FAM228B: variants seen among roughly 807,000 people sequenced by gnomAD.
FAM228B encodes protein FAM228B.
In FAM228B, 38 loss-of-function variants were observed where a neutral mutation model predicts 42.6. That is an observed-to-expected ratio of 0.89 (90% confidence interval 0.69 to 1.17). The LOEUF (loss-of-function observed/expected upper bound fraction) is 1.17, where lower values mean the gene tolerates loss of function less well. FAM228B is among the 50% of genes most tolerant of loss of function. The pLI, the probability that FAM228B is intolerant of heterozygous loss-of-function variation, is 0.00. For synonymous variants in FAM228B, 109 were observed against 122.3 expected, an observed-to-expected ratio of 0.89 and a Z score of 0.72; for missense variants, 344 against 367.3, an observed-to-expected ratio of 0.94 and a Z score of 0.52.
At chr2:24,138,630 C>G (rs1388042192) in intron 4 of FAM228B, among the ~76,000 whole-genome samples, 7 of 151,446 alleles carry the variant, frequency 4.6e-5, no homozygotes, top group Non-Finnish European at 8.8e-5. Flanking sequence ...CTACTGTGCC[C>G]AGCCCTCCCC....
In FAM228B at chr2:24,079,497, G is replaced by A. The variant is rs1664904916; in HGVS notation, c.-289-1379G>A. ...GTGATCAGACTTCCTCGCTTAAAAAGTAGCTTTGAAAACAGGGGCCCATTG... is the reference window on the plus strand; with the variant it reads ...GTGATCAGACTTCCTCGCTTAAAAAATAGCTTTGAAAACAGGGGCCCATTG... On this transcript the variant is annotated intron_variant, in intron 1 of 10. Transcript: ENST00000613899. The A allele has an allele frequency of 2.5e-6, 4 of 1,614,068 alleles. No homozygotes were observed. In the East Asian group the frequency reaches 8.9e-5, roughly 36 times the overall value.
chr2:24,089,539 A>T (rs1397654596), intron 2 of FAM228B, among the ~76,000 whole-genome samples: 1 of 152,018 alleles, frequency 6.6e-6, no homozygotes, highest in African/African-American at 2.4e-5. Context: ...GTCAATGATG[A>T]GTGAGAAAGG....
chr2:24,092,575 A>T (rs759761333), intron 2 of FAM228B, among the ~76,000 whole-genome samples: 1 of 152,210 alleles, frequency 6.6e-6, no homozygotes, highest in Admixed American at 6.5e-5. Context: ...CCCTGTCTCC[A>T]TAAAAAAAAG....
chr2:24,151,372 C>T (rs1198026978), intron 7 of FAM228B, among the ~76,000 whole-genome samples: 2 of 151,496 alleles, frequency 1.3e-5, no homozygotes, highest in African/African-American at 4.9e-5. Context: ...CTCACTGCAA[C>T]CTCTGCCTCT....
exon 1 of FAM228B, chr2:24,076,960 C>A: frequency 8.0e-6 from 1 of 124,620 alleles, no homozygotes; most frequent in Non-Finnish European, 1.6e-5. Context: ...TGAGCTGGGG[C>A]GGGACCCAGG....
At position 24,077,199 on chromosome 2, in the gene FAM228B, G is replaced by A. The variant is rs1664786867; in HGVS notation, c.-290+230G>A. Among the ~76,000 whole-genome samples, 1 of 152,000 alleles carries A rather than the reference G, an allele frequency of 6.6e-6. No individual in the cohort carries two copies. Among genetic ancestry groups the A allele is most frequent in the Admixed American group, 6.6e-5 (1 of 15,258 alleles). Reference sequence around the variant, plus strand: ...GTGGTGCCCACTGGTTGCGGGGCGCGCGGGCAGGTGCCGGAGGTGGTGGGC... The same window carrying A: ...GTGGTGCCCACTGGTTGCGGGGCGCACGGGCAGGTGCCGGAGGTGGTGGGC... On this transcript the variant is annotated intron_variant, in intron 1 of 10. Transcript: ENST00000613899. The surrounding 1 kb of genome is among the most constrained non-coding windows in gnomAD (Gnocchi z 5.5).
chr2:24,122,495 C>T (rs756980747), upstream of FAM228B: 10 of 1,613,994 alleles, frequency 6.2e-6, no homozygotes, highest in Non-Finnish European at 8.5e-6. Context: ...ATGCTTGGTT[C>T]CCAAGAGGGT....
At chr2:24,128,578 A>G (rs1666371195) in intron 2 of FAM228B, among the ~76,000 whole-genome samples, 1 of 151,842 alleles carries the variant, frequency 6.6e-6, no homozygotes, top group African/African-American at 2.4e-5. Flanking sequence ...TTCTTTGTAT[A>G]CCTGGTGATT....
rs769929300 is a variant in FAM228B at position 24,084,375 on chromosome 2, GCAGGGCAGGACAGGA to G, written c.-210+3430_-210+3444del. On this transcript the variant is annotated intron_variant, in intron 2 of 10. Transcript: ENST00000613899. This position sits in a 1 kb window ranked among gnomAD's most constrained non-coding sequence, Gnocchi z 8.4. Reference sequence around the variant, plus strand: ...GCAGGGCAGGACAGGACAGGGCAGGGCAGGGCAGGACAGGACAGGGCAGGGCAGGACAGGACAGGG... The same window carrying G: ...GCAGGGCAGGACAGGACAGGGCAGGGCAGGGCAGGGCAGGACAGGACAGGG... 154 of 1,385,638 alleles carry G rather than the reference GCAGGGCAGGACAGGA, an allele frequency of 1.1e-4. 1 individual carries two copies. The Middle Eastern group carries it at 1.2e-3, about 10-fold the overall frequency. 85.8% of individuals were successfully genotyped at this position (1,385,638 alleles called of 1,614,324 possible).
chr2:24,108,900 CAAAAAAAAA>C (rs138273554), intron 3 of FAM228B, among the ~76,000 whole-genome samples: 1 of 79,880 alleles, frequency 1.3e-5, no homozygotes, highest in African/African-American at 5.2e-5. Context: ...GAGTCCGTCT[CAAAAAAAAA>C]AAAAAAAGAA....
At chr2:24,113,392 G>A (rs1179139127) in intron 3 of FAM228B, among the ~76,000 whole-genome samples, 3 of 152,102 alleles carry the variant, frequency 2.0e-5, no homozygotes, top group South Asian at 2.1e-4. Context: ...GTGCAACATG[G>A]TGAGACCCCA....
intron 3 of FAM228B, among the ~76,000 whole-genome samples, chr2:24,102,438 G>A (rs1665625461): frequency 6.6e-6 from 1 of 152,148 alleles, no homozygotes; most frequent in African/African-American, 2.4e-5. Context: ...CCTATCTCAT[G>A]TTTTAAATGT....
At chr2:24,114,020 A>G (rs1162344876) in intron 3 of FAM228B, among the ~76,000 whole-genome samples, 6 of 152,240 alleles carry the variant, frequency 3.9e-5, no homozygotes, top group African/African-American at 1.4e-4. Context: ...ATCCAAGCTC[A>G]GAAAAGGAAT....
chr2:24,125,538 CTCTT>C (rs968478201), intron 2 of FAM228B, among the ~76,000 whole-genome samples: 4 of 150,174 alleles, frequency 2.7e-5, no homozygotes, highest in South Asian at 4.3e-4. Context: ...TTCTTTCTTT[CTCTT>C]TCTTTCATTC....
Position 24,164,369 on chromosome 2 carries a change from T to C in FAM228B, c.932+34T>C, listed in dbSNP as rs1316144512. The C allele has an allele frequency of 3.9e-6, 6 of 1,529,216 alleles. No homozygotes were observed. The South Asian group carries it at 6.1e-5, about 16-fold the overall frequency. 94.7% of individuals were successfully genotyped at this position (1,529,216 alleles called of 1,614,324 possible). On this transcript the variant is annotated intron_variant, in intron 9 of 10. Transcript: ENST00000615575. ...TGGGGCTGTCCCATTTCATCATACA[T>C]AAGGTGGCAATCGCTGATACCAAAA...
At chr2:24,086,091 C>T (rs1284968400) in intron 2 of FAM228B, among the ~76,000 whole-genome samples, 2 of 151,392 alleles carry the variant, frequency 1.3e-5, no homozygotes, top group African/African-American at 2.4e-5. Flanking sequence ...AAAAATTAGC[C>T]GGGCGTGGTG....
chr2:24,111,947 TA>T (rs1253077500), intron 3 of FAM228B, among the ~76,000 whole-genome samples: 1 of 152,174 alleles, frequency 6.6e-6, no homozygotes, highest in Non-Finnish European at 1.5e-5. Flanking sequence ...CAGAGAGCCA[TA>T]AACTTGCTCA....
intron 2 of FAM228B, among the ~76,000 whole-genome samples, chr2:24,082,682 A>G (rs1447652998): frequency 6.6e-6 from 1 of 152,076 alleles, no homozygotes; most frequent in African/African-American, 2.4e-5. Context: ...TAGGCCTCCT[A>G]TCTAGTGTTA....
At chr2:24,133,088 A>G (rs1245157661) in intron 2 of FAM228B, among the ~76,000 whole-genome samples, 1 of 152,022 alleles carries the variant, frequency 6.6e-6, no homozygotes, top group African/African-American at 2.4e-5. Flanking sequence ...GTTAGGCCGC[A>G]TGTTTCTATC....
Sources: allele counts gnomAD v4.1 joint callset (sites outside exome capture counted in the v4.1 genomes callset), GRCh38; gene constraint gnomAD v4.1.1; non-coding constraint Gnocchi (gnomAD v3.1); transcripts MANE v1.5; gene names NCBI Gene and HGNC (gene_info 2026-07-23, HGNC 2026-07-21).